Variants in PAX2 observed in about 807,000 individuals in gnomAD.
PAX2 encodes paired box 2.
PAX2 carries 9 observed loss-of-function variants against 41.7 expected under a neutral mutation model. The ratio of observed to expected loss-of-function variants is 0.22; its 90% CI spans 0.13 to 0.38. PAX2 has a LOEUF of 0.38. Ranked by LOEUF, PAX2 falls within the 10% of genes least tolerant of loss-of-function variation. The probability of loss-of-function intolerance (pLI) is 1.00; values close to 1 mark genes in which losing one functional copy is unlikely to be tolerated. For synonymous variants in PAX2, 221 were observed against 212.7 expected, an observed-to-expected ratio of 1.04 and a Z score of -0.34; for missense variants, 418 against 531.6, an observed-to-expected ratio of 0.79 and a Z score of 2.10.
chr10:100,773,143 A>G (rs1846269879), intron 3 of PAX2, among the ~76,000 whole-genome samples: 1 of 152,342 alleles, frequency 6.6e-6, no homozygotes, highest in South Asian at 2.1e-4. Context: ...ACTGTTTATT[A>G]AATGGGTGAC....
chr10:100,765,124 GT>G (rs2133866376), intron 3 of PAX2, among the ~76,000 whole-genome samples: 2 of 152,292 alleles, frequency 1.3e-5, no homozygotes, highest in Non-Finnish European at 2.9e-5. Flanking sequence ...AGGAGTAAAA[GT>G]TTTTAAGAAA....
At position 100,745,862 on chromosome 10, in the gene PAX2, C is replaced by G. The variant is rs1793895935; in HGVS notation, c.-399C>G. ...TCTGACCGCCCCCGCCCCGCGCGCT[C>G]TCCGACCACCGCCTCTCGGATGACC... On this transcript the variant is annotated 5_prime_UTR_variant, in exon 1 of 10. Coordinates refer to ENST00000355243, the MANE Select transcript of PAX2 (RefSeq NM_000278.5). 4 of 1,101,496 alleles carry G rather than the reference C, an allele frequency of 3.6e-6. No individual in the cohort carries two copies. The South Asian group carries it at 1.5e-4, about 42-fold the overall frequency. 68.2% of individuals were successfully genotyped at this position (1,101,496 alleles called of 1,614,324 possible).
chr10:100,778,192 T>G (rs1846470050), intron 3 of PAX2, among the ~76,000 whole-genome samples: 1 of 152,222 alleles, frequency 6.6e-6, no homozygotes, highest in Non-Finnish European at 1.5e-5. Context: ...GAAGCAGGAC[T>G]CAGGGCCCCT....
chr10:100,812,068 G>A (rs1848007590), intron 7 of PAX2, among the ~76,000 whole-genome samples: 1 of 152,176 alleles, frequency 6.6e-6, no homozygotes, highest in Non-Finnish European at 1.5e-5. Flanking sequence ...GGGGAGAGTG[G>A]GGCCCAGTGG....
rs939803925 is a variant in PAX2, at chr10:100,749,031, T to C, written c.44-715T>C. 2.2e-5 allele frequency: 22 copies of C among 985,312 alleles called. No individual in the cohort carries two copies. The South Asian group carries it at 9.4e-4, about 42-fold the overall frequency. The allele number at this position is 985,312 out of a possible 1,614,324, so 61.0% of individuals were successfully genotyped here. Reference sequence around the variant, plus strand: ...CTGAGCGCAGCAGACCCCGGGCCCCTGCCTCATCCGCCTTCCTTGCTCTAC... The same window carrying C: ...CTGAGCGCAGCAGACCCCGGGCCCCCGCCTCATCCGCCTTCCTTGCTCTAC... On this transcript the variant is annotated intron_variant, in intron 1 of 9. Coordinates refer to ENST00000355243, the MANE Select transcript of PAX2 (RefSeq NM_000278.5).
Position 100,806,537 on chromosome 10 carries a change from G to A in PAX2, c.724G>A (p.Asp242Asn). 1 of 1,614,228 alleles carries A rather than the reference G, an allele frequency of 6.2e-7. No homozygotes were observed. The highest frequency in any genetic ancestry group is 8.5e-7 in the Non-Finnish European group (1 of 1,180,048). Residue 242 changes from aspartate to asparagine, a missense_variant, in exon 6 of 10, where the codon GAT becomes AAT. Around this residue, in one of 2 missense-constraint regions of PAX2, gnomAD observed 310 missense variants for 325.2 expected, o/e 0.95. Transcript: ENST00000355243. ...TFTQQQLEALDRVFERPSYPD... is the reference protein window; with the variant it reads ...TFTQQQLEALNRVFERPSYPD... ...CACCCAGCAGCAGCTGGAAGCTTTG[G>A]ATCGGGTCTTTGAGCGTCCTTCCTA...
At chr10:100,793,313 G>C (rs912038024) in intron 5 of PAX2, among the ~76,000 whole-genome samples, 5 of 152,198 alleles carry the variant, frequency 3.3e-5, no homozygotes, top group Non-Finnish European at 1.5e-5. Context: ...TGATCTCCTC[G>C]GGGAATTCCC....
chr10:100,817,726 GC>G (rs59327969), intron 7 of PAX2, among the ~76,000 whole-genome samples: 1,698 of 152,328 alleles, frequency 0.011, 38 homozygotes, highest in African/African-American at 0.039. Context: ...TGGGGCTGAG[GC>G]CAGAGCCTGG....
At chr10:100,820,987 TAC>T (rs1564744695) in intron 7 of PAX2, among the ~76,000 whole-genome samples, 1 of 152,236 alleles carries the variant, frequency 6.6e-6, no homozygotes, top group Non-Finnish European at 1.5e-5. Context: ...TGTGCTGTTG[TAC>T]AGTTTTAGAG....
At chr10:100,760,345 T>G (rs1316153738) in intron 3 of PAX2, among the ~76,000 whole-genome samples, 2 of 152,212 alleles carry the variant, frequency 1.3e-5, no homozygotes, top group Non-Finnish European at 2.9e-5. Flanking sequence ...CCTGCCTGTT[T>G]GGGATGTTAG....
At position 100,779,483 on chromosome 10, in the gene PAX2, G is replaced by A; in HGVS notation, c.411-15G>A. On this transcript the variant is annotated splice_polypyrimidine_tract_variant and intron_variant, in intron 3 of 9. Coordinates refer to ENST00000355243, the MANE Select transcript of PAX2 (RefSeq NM_000278.5). ...TGGGCATTTGATGTGTGATGCTGTTGTGACGCTGTTGCAGAATCATCCGGA... is the reference window on the plus strand; with the variant it reads ...TGGGCATTTGATGTGTGATGCTGTTATGACGCTGTTGCAGAATCATCCGGA... The A allele has an allele frequency of 3.2e-6, 5 of 1,574,838 alleles. No homozygotes were observed. Among genetic ancestry groups the A allele is most frequent in the Non-Finnish European group, 4.3e-6 (5 of 1,158,602 alleles).
rs552160438 is a variant in PAX2 at position 100,748,790 on chromosome 10, G to A, written c.44-956G>A. On this transcript the variant is annotated intron_variant, in intron 1 of 9. Coordinates refer to ENST00000355243, the MANE Select transcript of PAX2 (RefSeq NM_000278.5). The surrounding 1 kb of genome is among the most constrained non-coding windows in gnomAD (Gnocchi z 5.0). ...CCCGAGCCGCTCGGTTTCCTGGGGG[G>A]GCTGCCGAGGTCTGAGGGGTCAAAG... is the stretch of plus-strand genomic sequence containing the variant. 8.1e-6 allele frequency: 8 copies of A among 985,524 alleles called. No individual in the cohort carries two copies. The East Asian group carries it at 3.4e-4, about 42-fold the overall frequency. 61.0% of individuals were successfully genotyped at this position (985,524 alleles called of 1,614,324 possible).
intron 5 of PAX2, among the ~76,000 whole-genome samples, chr10:100,788,154 GA>G (rs1381982051): frequency 6.6e-6 from 1 of 152,184 alleles, no homozygotes; most frequent in East Asian, 1.9e-4. Context: ...AAAGACAAAG[GA>G]AATAGCCTTA....
chr10:100,785,617 C>T (rs79798255), intron 5 of PAX2, among the ~76,000 whole-genome samples: 398 of 152,296 alleles, frequency 2.6e-3, no homozygotes, highest in South Asian at 5.6e-3. Flanking sequence ...AGTTAGCTAC[C>T]ATCCTAGAGG....
intron 7 of PAX2, among the ~76,000 whole-genome samples, chr10:100,812,896 A>T (rs975867589): frequency 6.6e-6 from 1 of 152,192 alleles, no homozygotes; most frequent in Admixed American, 6.5e-5. Flanking sequence ...GAAGTCAGAG[A>T]CTGTGCAGTT....
At chr10:100,747,614 G>C (rs1161640780) in intron 1 of PAX2, 1 of 985,008 alleles carries the variant, frequency 1.0e-6, no homozygotes, top group African/African-American at 1.7e-5. Flanking sequence ...CAAGAGAGCC[G>C]AGGAGGGAGA....
At chr10:100,798,529 A>G (rs1316229081) in intron 5 of PAX2, among the ~76,000 whole-genome samples, 3 of 152,112 alleles carry the variant, frequency 2.0e-5, no homozygotes, top group Non-Finnish European at 2.9e-5. Context: ...TCCCTGGACA[A>G]GCAGTGTCAC....
At position 100,749,518 on chromosome 10, in the gene PAX2, A is replaced by C. The variant is rs57264262; in HGVS notation, c.44-228A>C. The C allele has an allele frequency of 0.02, 27,080 of 1,330,994 alleles. 2,315 individuals carry two copies. The African/African-American group carries it at 0.25, about 12-fold the overall frequency. 82.4% of individuals were successfully genotyped at this position (1,330,994 alleles called of 1,614,324 possible). On this transcript the variant is annotated intron_variant, in intron 1 of 9. Coordinates refer to ENST00000355243, the MANE Select transcript of PAX2 (RefSeq NM_000278.5). The stretch of plus-strand genomic sequence containing the variant: ...CCTTTGCTTTCTACCTTGCGTCGCA[A>C]GGCCTGAGTCGCCCTCTCGCCCAGC...
upstream of PAX2, among the ~76,000 whole-genome samples, chr10:100,742,799 T>TTTTC (rs1292601826): frequency 2.0e-5 from 3 of 150,500 alleles, no homozygotes; most frequent in South Asian, 2.1e-4. Flanking sequence ...GGTTGGGTTG[T>TTTTC]TTTCTTTCTT....
Sources: gnomAD v4.1 joint callset for allele counts (sites outside exome capture counted in the v4.1 genomes callset) on GRCh38, gnomAD v4.1.1 for gene constraint, gnomAD v4.1.1 regional missense constraint, Gnocchi (gnomAD v3.1) non-coding constraint, MANE v1.5 for transcripts, NCBI Gene and HGNC (gene_info 2026-07-23, HGNC 2026-07-21) for gene names.